The following STPG2 variants were observed in gnomAD, a reference collection of about 807,000 sequenced individuals.
STPG2 encodes the protein sperm tail PG-rich repeat containing 2, also known as sperm-tail PG-rich repeat-containing protein 2.
STPG2 carries 56 observed loss-of-function variants against 54.2 expected under a neutral mutation model. The observed-to-expected ratio is 1.03, with a 90% CI of 0.83 to 1.29. The LOEUF (loss-of-function observed/expected upper bound fraction) is 1.29, where lower values mean the gene tolerates loss of function less well. STPG2 is among the 50% of genes most tolerant of loss of function. The pLI is 0.00. For missense variants in STPG2, 596 were observed against 544.9 expected (o/e 1.09, Z -0.93); for synonymous variants, 200 against 181.8 (o/e 1.10, Z -0.81).
intron 9 of STPG2, among the ~76,000 whole-genome samples, chr4:97,807,383 T>A (rs1727601831): frequency 6.6e-6 from 1 of 151,956 alleles, no homozygotes; most frequent in Admixed American, 6.6e-5. Context: ...CACAACTCTA[T>A]CTAAAAACAA....
intron 7 of STPG2, among the ~76,000 whole-genome samples, chr4:97,948,357 T>C (rs1329620452): frequency 1.3e-5 from 2 of 152,138 alleles, no homozygotes; most frequent in Admixed American, 1.3e-4. Flanking sequence ...TTATTTGCCT[T>C]TTCAAGGAAC....
chr4:97,880,360 G>A (rs1340744927), intron 8 of STPG2, among the ~76,000 whole-genome samples: 1 of 152,144 alleles, frequency 6.6e-6, no homozygotes, highest in East Asian at 1.9e-4. Context: ...AATAGCAACT[G>A]GCAAAGACAG....
rs1029315440 is a variant in STPG2, at chr4:98,111,252, A to G, written c.388-1947T>C. ...AGAGTCTCAGCTGAACCCTCTTAAC[A>G]TCCCCAAAAAAACAGAAACTGGAGA... On this transcript the variant is annotated intron_variant, in intron 3 of 10. Coordinates refer to ENST00000295268, the MANE Select transcript of STPG2 (RefSeq NM_174952.3). Among the ~76,000 whole-genome samples the G allele has an allele frequency of 2.2e-4, 33 of 152,120 alleles. 1 individual carries two copies.
Position 97,897,931 on chromosome 4 carries a change from T to C in STPG2, c.1044+45966A>G, listed in dbSNP as rs190800120. Reference sequence around the variant, plus strand: ...ATAATTAGATCCCTCTTGTCAATTTTTGCTTTTGTGTAATTGCTTTCAGTA... The same window carrying C: ...ATAATTAGATCCCTCTTGTCAATTTCTGCTTTTGTGTAATTGCTTTCAGTA... On this transcript the variant is annotated intron_variant, in intron 8 of 10. Coordinates refer to ENST00000295268, the MANE Select transcript of STPG2 (RefSeq NM_174952.3). Among the ~76,000 whole-genome samples, 851 of 152,256 alleles carry C rather than the reference T, an allele frequency of 5.6e-3. 35 individuals are homozygous for C. Among genetic ancestry groups the C allele is most frequent in the Non-Finnish European group, 1.4e-3 (96 of 67,990 alleles).
chr4:98,069,800 C>A (rs573313694), intron 5 of STPG2, among the ~76,000 whole-genome samples: 21 of 152,096 alleles, frequency 1.4e-4, no homozygotes, highest in African/African-American at 4.6e-4. Context: ...ACCACCTCCA[C>A]CAAAAGCATT....
At chr4:98,081,473 AT>A (rs962574970) in intron 5 of STPG2, among the ~76,000 whole-genome samples, 2 of 152,182 alleles carry the variant, frequency 1.3e-5, no homozygotes, top group African/African-American at 4.8e-5. Context: ...TTCAAAACAA[AT>A]TTTAAAAAAA....
intron 4 of STPG2, among the ~76,000 whole-genome samples, chr4:97,474,674 TTTTAA>T (rs1303410803): frequency 2.0e-5 from 3 of 152,064 alleles, no homozygotes; most frequent in African/African-American, 7.2e-5. Context: ...ATTACTTTCT[TTTTAA>T]TTTATTTTAT....
chr4:97,745,746 T>G (rs534785586), intron 9 of STPG2, among the ~76,000 whole-genome samples: 62 of 151,358 alleles, frequency 4.1e-4, no homozygotes, highest in Non-Finnish European at 3.6e-4. Flanking sequence ...AAAATTCAGT[T>G]GAGAAAACTT....
chr4:97,722,214 A>G (rs1015081797), intron 9 of STPG2, among the ~76,000 whole-genome samples: 1 of 152,108 alleles, frequency 6.6e-6, no homozygotes, highest in Non-Finnish European at 1.5e-5. Context: ...TGAGACATAA[A>G]TTATCACTAG....
intron 5 of STPG2, among the ~76,000 whole-genome samples, chr4:97,983,150 C>T (rs977641852): frequency 6.6e-6 from 1 of 152,162 alleles, no homozygotes; most frequent in Non-Finnish European, 1.5e-5. Context: ...CTTCTTCCTC[C>T]TCCTAGTCTA....
At chr4:98,023,327 C>T (rs1578791067) in intron 5 of STPG2, among the ~76,000 whole-genome samples, 1 of 152,300 alleles carries the variant, frequency 6.6e-6, no homozygotes, top group Non-Finnish European at 1.5e-5. Context: ...GGCTGCAGAA[C>T]AGCGATGACT....
intron 9 of STPG2, among the ~76,000 whole-genome samples, chr4:97,838,114 A>AT (rs1313053110): frequency 6.6e-6 from 1 of 151,642 alleles, no homozygotes; most frequent in African/African-American, 2.4e-5. Flanking sequence ...ACATATATAC[A>AT]TATAACAATA....
intron 9 of STPG2, among the ~76,000 whole-genome samples, chr4:97,795,802 T>C (rs1727153211): frequency 6.6e-6 from 1 of 152,196 alleles, no homozygotes; most frequent in Non-Finnish European, 1.5e-5. Context: ...GTGAACTAGT[T>C]TACAGTGCCA....
chr4:97,612,232 T>A (rs1733748579), intron 10 of STPG2, among the ~76,000 whole-genome samples: 1 of 123,342 alleles, frequency 8.1e-6, no homozygotes. Context: ...TTTCTTGTTG[T>A]AAAATGTGTA....
At chr4:97,586,593 A>T (rs1159645599) in intron 10 of STPG2, among the ~76,000 whole-genome samples, 1 of 151,988 alleles carries the variant, frequency 6.6e-6, no homozygotes, top group Non-Finnish European at 1.5e-5. Flanking sequence ...AAGGCATCTT[A>T]TTTATGGGGA....
chr4:98,037,677 A>T (rs916250546), intron 5 of STPG2, among the ~76,000 whole-genome samples: 62 of 152,108 alleles, frequency 4.1e-4, no homozygotes, highest in Admixed American at 1.0e-3. Flanking sequence ...CAAAAGAATT[A>T]AAAAAGAATA....
At chr4:97,593,905 T>C (rs1016767234) in intron 10 of STPG2, among the ~76,000 whole-genome samples, 7 of 152,056 alleles carry the variant, frequency 4.6e-5, no homozygotes, top group African/African-American at 1.7e-4. Flanking sequence ...AGCCGAGCCA[T>C]GATGCCTTAA....
At chr4:98,137,070 G>A (rs1429032789) in intron 1 of STPG2, among the ~76,000 whole-genome samples, 1 of 151,512 alleles carries the variant, frequency 6.6e-6, no homozygotes, top group African/African-American at 2.4e-5. Context: ...TTGTCAGATT[G>A]AATAAAAAAG....
At chr4:97,982,377 T>TACAC (rs59489663) in intron 5 of STPG2, among the ~76,000 whole-genome samples, 30,379 of 143,402 alleles carry the variant, frequency 0.21, 3,392 homozygotes, top group East Asian at 0.5. Context: ...TCTCTTACTC[T>TACAC]ACACACACAC....
Sources: gnomAD v4.1 joint callset for allele counts (sites outside exome capture counted in the v4.1 genomes callset) on GRCh38, gnomAD v4.1.1 for gene constraint, MANE v1.5 for transcripts, NCBI Gene and HGNC (gene_info 2026-07-23, HGNC 2026-07-21) for gene names.